The following NAB2 variants were observed in gnomAD, a reference collection of about 807,000 sequenced individuals.
NAB2 encodes NGFI-A-binding protein 2.
NAB2 carries 9 observed loss-of-function variants against 44.2 expected under a neutral mutation model. The ratio of observed to expected loss-of-function variants is 0.20; its 90% CI spans 0.12 to 0.36. The LOEUF is 0.36. NAB2 is among the 10% of genes least tolerant of loss of function. The probability of loss-of-function intolerance (pLI) is 1.00; values close to 1 mark genes in which losing one functional copy is unlikely to be tolerated. For missense variants in NAB2, 514 were observed against 709.0 expected (o/e 0.73, Z 3.12); for synonymous variants, 342 against 291.0 (o/e 1.18, Z -1.78).
At chr12:57,092,080 G>T in intron 2 of NAB2, 82 bp downstream of exon 2, 1 of 1,513,696 alleles carries the variant, frequency 6.6e-7, no homozygotes, top group Non-Finnish European at 8.8e-7. Context: ...TACAGTCTCC[G>T]ACTATCTTTC....
In NAB2 at chr12:57,091,069, G is replaced by A. The variant is rs1592531674; in HGVS notation, c.84-56G>A. Reference sequence around the variant, plus strand: ...AGGGAACAATTGTTAGTGTGGGTTGGTACCCAGTAGGGGGACTTGCACCGA... The same window carrying A: ...AGGGAACAATTGTTAGTGTGGGTTGATACCCAGTAGGGGGACTTGCACCGA... On this transcript the variant is annotated intron_variant, in intron 1 of 6. Coordinates refer to ENST00000300131, the MANE Select transcript of NAB2 (RefSeq NM_005967.4). This position sits in a 1 kb window ranked among gnomAD's most constrained non-coding sequence, Gnocchi z 7.3. The A allele has an allele frequency of 7.1e-7, 1 of 1,403,256 alleles. No individual in the cohort carries two copies. Among genetic ancestry groups the A allele is most frequent in the East Asian group, 2.3e-5 (1 of 43,334 alleles). 86.9% of individuals were successfully genotyped at this position (1,403,256 alleles called of 1,614,324 possible).
In NAB2 at chr12:57,091,995, C is replaced by G; in HGVS notation, c.954C>G (p.His318Gln). 5 of 1,602,762 alleles carry G rather than the reference C, an allele frequency of 3.1e-6. No homozygotes were observed. The highest frequency in any genetic ancestry group is 4.3e-6 in the Non-Finnish European group (5 of 1,172,924). Residue 318 changes from histidine to glutamine, a missense_variant, in exon 2 of 7, where the codon CAC becomes CAG. Physicochemically the swap from His to Gln is conservative, Grantham distance 24 (BLOSUM62 0). This residue lies in a region of NAB2 where 53 missense variants were observed against 108.5 expected (regional missense o/e 0.49). Coordinates refer to ENST00000300131, the MANE Select transcript of NAB2 (RefSeq NM_005967.4). This position sits in a 1 kb window ranked among gnomAD's most constrained non-coding sequence, Gnocchi z 7.3. ...KRREGKQLSL[H>Q]ELTINEAAAQ... ...GGGAGGGCAAGCAGCTCAGCCTGCA[C>G]GAGGTGAGAACCCCCAGGCCTCCTA...
chr12:57,089,564 C>A (rs886942787), intron 1 of NAB2, among the ~76,000 whole-genome samples: 1 of 152,156 alleles, frequency 6.6e-6, no homozygotes, highest in South Asian at 2.1e-4. Context: ...AGAGTAGTAC[C>A]CAAATCTCCA....
intron 1 of NAB2, among the ~76,000 whole-genome samples, chr12:57,090,476 C>CAAATAAATAAAT (rs71446599): frequency 5.3e-4 from 80 of 150,498 alleles, no homozygotes; most frequent in East Asian, 7.9e-4. Flanking sequence ...GACTCCGTCT[C>CAAATAAATAAAT]AAATAAATAA....
At chr12:57,094,494 C>G (rs949204883) in intron 6 of NAB2, 118 bp from the exon 7 acceptor site, 1 of 822,854 alleles carries the variant, frequency 1.2e-6, no homozygotes, top group Admixed American at 2.0e-5. Context: ...GGCAGTAATT[C>G]AATAAACCTA....
chr12:57,094,031 A>T lies in NAB2; in HGVS notation c.1468+433A>T, dbSNP rs324017. Reference sequence around the variant, plus strand: ...GTGGAAGGGGGAAGAGGGAGTGGGCAGGCGGAGGGCCGGGCAGCCGCTGGG... The same window carrying T: ...GTGGAAGGGGGAAGAGGGAGTGGGCTGGCGGAGGGCCGGGCAGCCGCTGGG... On this transcript the variant is annotated intron_variant, in intron 6 of 6. Transcript: ENST00000300131. Among the ~76,000 whole-genome samples, 27 of 151,100 alleles carry T rather than the reference A, an allele frequency of 1.8e-4. 1 individual carries two copies. In the East Asian group the frequency reaches 5.1e-3, roughly 29 times the overall value.
Position 57,093,028 on chromosome 12 carries a change from G to T in NAB2, c.1144-35G>T, listed in dbSNP as rs759503359. 2.9e-5 allele frequency: 47 copies of T among 1,613,902 alleles called. No homozygotes were observed. The Admixed American group carries it at 4.0e-4, about 14-fold the overall frequency. ...CAGCCTTCCCCAATCCCCTCCCTTGGCAGGTCTTCATTTCCCCATGTTGGG... is the reference window on the plus strand; with the variant it reads ...CAGCCTTCCCCAATCCCCTCCCTTGTCAGGTCTTCATTTCCCCATGTTGGG... On this transcript the variant is annotated intron_variant, in intron 4 of 6. Coordinates refer to ENST00000300131, the MANE Select transcript of NAB2 (RefSeq NM_005967.4).
chr12:57,090,769 G>A (rs913968262), intron 1 of NAB2, among the ~76,000 whole-genome samples: 1 of 152,236 alleles, frequency 6.6e-6, no homozygotes, highest in African/African-American at 2.4e-5. Flanking sequence ...TGGGGGAGAG[G>A]GAGGTCCAGC....
Position 57,091,741 on chromosome 12 carries a change from C to A in NAB2, c.700C>A (p.Pro234Thr). The change falls in exon 2 of 7, where the codon CCA (proline) becomes ACA (threonine). Residue 234 changes from proline (P) to threonine (T), a missense_variant. By Grantham distance (38) the Pro-to-Thr change is conservative (BLOSUM62 -1). This residue lies in a region of NAB2 where 177 missense variants were observed against 200.5 expected (regional missense o/e 0.88). Transcript: ENST00000300131. This position sits in a 1 kb window ranked among gnomAD's most constrained non-coding sequence, Gnocchi z 7.3. Reference protein sequence around the residue: ...GLAAGGTGGGPDRLEPEMVRM... With the variant: ...GLAAGGTGGGTDRLEPEMVRM... ...GGCAGCAGGTGGGACTGGGGGTGGT[C>A]CAGACCGACTGGAGCCAGAGATGGT... is the stretch of plus-strand genomic sequence containing the variant. 6.2e-7 allele frequency: 1 copy of A among 1,613,994 alleles called. No homozygotes were observed. The highest frequency in any genetic ancestry group is 8.5e-7 in the Non-Finnish European group (1 of 1,179,930).
rs748267573 is a variant in NAB2, at chr12:57,091,191, G to A, written c.150G>A (p.Gln50=). The change falls in exon 2 of 7, where the codon CAG becomes CAA. Residue 50 remains glutamine (Q), a synonymous_variant. Coordinates refer to ENST00000300131, the MANE Select transcript of NAB2 (RefSeq NM_005967.4). This position sits in a 1 kb window ranked among gnomAD's most constrained non-coding sequence, Gnocchi z 7.3. The stretch of plus-strand genomic sequence containing the variant: ...AGCTGCAGCTGTACCGGGTCCTGCA[G>A]CGCGCCAACCTCCTTTCCTACTATG... ...LGELQLYRVL[Q]RANLLSYYET... 1.3e-6 allele frequency: 2 copies of A among 1,556,448 alleles called. No homozygotes were observed. Among genetic ancestry groups the A allele is most frequent in the East Asian group, 2.3e-5 (1 of 44,218 alleles).
chr12:57,094,462 C>G, intron 6 of NAB2, 150 bp from the exon 7 acceptor site: 1 of 689,546 alleles, frequency 1.5e-6, no homozygotes, highest in Non-Finnish European at 2.6e-6. Flanking sequence ...TGGAACCCCC[C>G]ATACACATGC....
rs142426240 is a variant in NAB2 at position 57,093,442 on chromosome 12, G to A, written c.1312G>A (p.Ala438Thr). The change falls in exon 6 of 7, where the codon GCT becomes ACT. Residue 438 changes from alanine to threonine, a missense_variant. This residue lies in a region of NAB2 where 194 missense variants were observed against 223.9 expected (regional missense o/e 0.87). Coordinates refer to ENST00000300131, the MANE Select transcript of NAB2 (RefSeq NM_005967.4). ...GSCPRLTPPP[A>T]DLPLALPAHG... is the part of the protein sequence containing the mutation. ...ATGTCCAAGGCTGACGCCGCCCCCT[G>A]CTGACCTGCCTCTGGCATTGCCAGC... The A allele has an allele frequency of 1.7e-5, 27 of 1,597,146 alleles. No individual in the cohort carries two copies. Among genetic ancestry groups the A allele is most frequent in the Non-Finnish European group, 2.1e-5 (25 of 1,172,590 alleles).
At chr12:57,089,458 A>AGGGG in intron 1 of NAB2, 104 bp downstream of exon 1, 3 of 236,570 alleles carry the variant, frequency 1.3e-5, no homozygotes, top group Admixed American at 7.4e-5. Flanking sequence ...GGGAAGCAGG[A>AGGGG]CGGGGGTGGG....
In NAB2 at chr12:57,094,944, C is replaced by T; in HGVS notation, c.*223C>T. On this transcript the variant is annotated 3_prime_UTR_variant, in exon 7 of 7. Coordinates refer to ENST00000300131, the MANE Select transcript of NAB2 (RefSeq NM_005967.4). ...GGGTGCGTGGTGCCCTCACCCCTGCCCAGAGCGAGGGGGCAAGGACTCTGC... is the reference window on the plus strand; with the variant it reads ...GGGTGCGTGGTGCCCTCACCCCTGCTCAGAGCGAGGGGGCAAGGACTCTGC... The T allele has an allele frequency of 1.8e-6, 1 of 559,580 alleles. No individual in the cohort carries two copies. Among genetic ancestry groups the T allele is most frequent in the Non-Finnish European group, 3.2e-6 (1 of 314,892 alleles). The allele number at this position is 559,580 out of a possible 1,614,324, so 34.7% of individuals were successfully genotyped here. A position where few individuals can be genotyped will look rare whatever the true frequency, so the allele number is the denominator to read the frequency against.
rs2033111042 is a variant in NAB2 at position 57,089,117 on chromosome 12, C to T, written c.-155C>T. The T allele has an allele frequency of 1.3e-6, 1 of 762,902 alleles. No individual in the cohort carries two copies. Among genetic ancestry groups the T allele is most frequent in the South Asian group, 1.7e-5 (1 of 59,670 alleles). The allele number at this position is 762,902 out of a possible 1,614,324, so 47.3% of individuals were successfully genotyped here. A position where few individuals can be genotyped will look rare whatever the true frequency, so the allele number is the denominator to read the frequency against. On this transcript the variant is annotated 5_prime_UTR_variant, in exon 1 of 7. Coordinates refer to ENST00000300131, the MANE Select transcript of NAB2 (RefSeq NM_005967.4). ...GAGGGTGGGGGGGCAGAGGCACAGA[C>T]AGAGGCGCGGAGGCTCGGAGAGAGA...
chr12:57,092,600 G>C lies in NAB2; in HGVS notation c.1091+19G>C, dbSNP rs750236626. Reference sequence around the variant, plus strand: ...GCTCCAGGTGAGACCCCTTCCCCAGGTCCTTCCTGGACTGGAATCCTGCTA... The same window carrying C: ...GCTCCAGGTGAGACCCCTTCCCCAGCTCCTTCCTGGACTGGAATCCTGCTA... On this transcript the variant is annotated intron_variant, in intron 3 of 6. Transcript: ENST00000300131. The C allele has an allele frequency of 2.5e-6, 4 of 1,613,432 alleles. No individual in the cohort carries two copies. The South Asian group carries it at 4.4e-5, about 18-fold the overall frequency.
chr12:57,091,089 C>G lies in NAB2; in HGVS notation c.84-36C>G. 6.7e-7 allele frequency: 1 copy of G among 1,488,164 alleles called. No individual in the cohort carries two copies. Among genetic ancestry groups the G allele is most frequent in the Non-Finnish European group, 9.0e-7 (1 of 1,113,374 alleles). 92.2% of individuals were successfully genotyped at this position (1,488,164 alleles called of 1,614,324 possible). A position where few individuals can be genotyped will look rare whatever the true frequency, so the allele number is the denominator to read the frequency against. On this transcript the variant is annotated intron_variant, in intron 1 of 6. Coordinates refer to ENST00000300131, the MANE Select transcript of NAB2 (RefSeq NM_005967.4). This position sits in a 1 kb window ranked among gnomAD's most constrained non-coding sequence, Gnocchi z 7.3. The stretch of plus-strand genomic sequence containing the variant: ...GGTTGGTACCCAGTAGGGGGACTTG[C>G]ACCGACTGCCTCTCTCTTGTGCCCC...
chr12:57,089,785 G>C (rs1477074674), intron 1 of NAB2, among the ~76,000 whole-genome samples: 1 of 151,584 alleles, frequency 6.6e-6, no homozygotes, highest in South Asian at 2.1e-4. Context: ...GAAAGGGGGG[G>C]TGACGAGGGA....
intron 5 of NAB2, 81 bp from the exon 6 acceptor site, chr12:57,093,326 G>T: frequency 6.8e-7 from 1 of 1,469,024 alleles, no homozygotes; most frequent in Non-Finnish European, 9.0e-7. Flanking sequence ...GGGGCAGAAG[G>T]GCCTGTGGGC....
Sources: allele counts gnomAD v4.1 joint callset (sites outside exome capture counted in the v4.1 genomes callset), GRCh38; gene constraint gnomAD v4.1.1; regional missense constraint gnomAD v4.1.1; non-coding constraint Gnocchi (gnomAD v3.1); transcripts MANE v1.5; gene names NCBI Gene and HGNC (gene_info 2026-07-23, HGNC 2026-07-21).